Variants in BMPR1A observed in about 807,000 individuals in gnomAD.
The protein encoded by BMPR1A is bone morphogenetic protein receptor type-1A.
Under a neutral mutation model 66.0 loss-of-function variants are expected in BMPR1A, and 7 were observed. The observed-to-expected ratio is 0.11, with a 90% CI of 0.06 to 0.20. The LOEUF is 0.20. BMPR1A is among the 10% of genes least tolerant of loss of function. BMPR1A has a pLI of 1.00. For missense variants in BMPR1A, 408 were observed against 669.1 expected (o/e 0.61, Z 4.31); for synonymous variants, 200 against 229.7 (o/e 0.87, Z 1.17).
chr10:86,868,337 A>G (rs1483858833), intron 2 of BMPR1A, among the ~76,000 whole-genome samples: 1 of 152,236 alleles, frequency 6.6e-6, no homozygotes, highest in Non-Finnish European at 1.5e-5. Flanking sequence ...ACTGATGTAA[A>G]TAACTGCGAG....
chr10:86,882,738 G>A (rs981159898), intron 3 of BMPR1A, among the ~76,000 whole-genome samples: 1 of 151,528 alleles, frequency 6.6e-6, no homozygotes, highest in Admixed American at 6.6e-5. Flanking sequence ...GCTGAGACGG[G>A]CGGATCACCT....
intron 1 of BMPR1A, among the ~76,000 whole-genome samples, chr10:86,822,750 C>T (rs1020219977): frequency 3.9e-5 from 6 of 152,122 alleles, no homozygotes; most frequent in Admixed American, 1.3e-4. Context: ...GATTCTTTGC[C>T]TCAGCCTCCC....
At chr10:86,834,129 GTCT>G (rs1263443915) in intron 1 of BMPR1A, among the ~76,000 whole-genome samples, 1 of 152,120 alleles carries the variant, frequency 6.6e-6, no homozygotes, top group African/African-American at 2.4e-5. Flanking sequence ...TTACTTTCTT[GTCT>G]TCTTGGCCAG....
At chr10:86,806,872 C>T (rs1462547864) in intron 1 of BMPR1A, among the ~76,000 whole-genome samples, 1 of 152,048 alleles carries the variant, frequency 6.6e-6, no homozygotes, top group Non-Finnish European at 1.5e-5. Context: ...TTCTGAGGTT[C>T]ATGTTGTCCC....
intron 2 of BMPR1A, among the ~76,000 whole-genome samples, chr10:86,861,926 G>A (rs905409798): frequency 6.6e-6 from 1 of 152,124 alleles, no homozygotes; most frequent in Non-Finnish European, 1.5e-5. Context: ...GGGAAAGTCT[G>A]GTTTGTATAT....
intron 1 of BMPR1A, among the ~76,000 whole-genome samples, chr10:86,815,016 C>A (rs993737323): frequency 6.6e-6 from 1 of 152,136 alleles, no homozygotes; most frequent in African/African-American, 2.4e-5. Flanking sequence ...GAACTCCTGA[C>A]CTCGTGGTCT....
intron 2 of BMPR1A, among the ~76,000 whole-genome samples, chr10:86,854,327 A>G (rs1338589985): frequency 6.6e-6 from 1 of 152,142 alleles, no homozygotes; most frequent in Non-Finnish European, 1.5e-5. Context: ...CAGTTAACGC[A>G]ATTATTACAG....
At chr10:86,884,622 C>G (rs1488547114) in intron 3 of BMPR1A, among the ~76,000 whole-genome samples, 1 of 151,314 alleles carries the variant, frequency 6.6e-6, no homozygotes, top group Non-Finnish European at 1.5e-5. Flanking sequence ...ACCATGTTGG[C>G]CAGACTGGTC....
At chr10:86,870,585 G>A (rs1018475102) in intron 2 of BMPR1A, among the ~76,000 whole-genome samples, 1 of 151,986 alleles carries the variant, frequency 6.6e-6, no homozygotes, top group Non-Finnish European at 1.5e-5. Context: ...ACCATGCCCA[G>A]CTAATTTTTT....
In BMPR1A at chr10:86,868,103, G is replaced by T. The variant is rs866397516; in HGVS notation, c.-152-7764G>T. On this transcript the variant is annotated intron_variant, in intron 2 of 12. Coordinates refer to ENST00000372037, the MANE Select transcript of BMPR1A (RefSeq NM_004329.3). The stretch of plus-strand genomic sequence containing the variant: ...CCCTGTTTTAGGTCTTCACTTAGTT[G>T]CATGGTTGGCTCTCTTTGCTCCTGG... Among the ~76,000 whole-genome samples the T allele has an allele frequency of 2.4e-4, 36 of 152,166 alleles. 1 individual carries two copies. The highest frequency in any genetic ancestry group is 1.8e-3 in the Admixed American group (27 of 15,282).
chr10:86,855,125 G>T (rs920859451), intron 2 of BMPR1A: 2 of 319,974 alleles, frequency 6.3e-6, no homozygotes, highest in Non-Finnish European at 1.2e-5. Flanking sequence ...TAGAGACAGG[G>T]TTTCACATCA....
intron 1 of BMPR1A, among the ~76,000 whole-genome samples, chr10:86,790,175 AAAAAAAAAAAAAAATATATATATAT>A (rs1289239338): frequency 2.4e-4 from 10 of 41,126 alleles, no homozygotes; most frequent in African/African-American, 4.5e-4. Flanking sequence ...AAAAAAAAAA[AAAAAAAAAAAAAAATATATATATAT>A]ATATATATAT....
intron 1 of BMPR1A, among the ~76,000 whole-genome samples, chr10:86,790,171 AAAAAAAAAAAAAAAAAAATATATATAT>A (rs1841581182): frequency 2.9e-5 from 1 of 34,130 alleles, no homozygotes; most frequent in Non-Finnish European, 4.8e-5. Context: ...CCAAAAAAAA[AAAAAAAAAAAAAAAAAAATATATATAT>A]ATATATATAT....
At chr10:86,892,862 C>CA (rs575847316) in intron 5 of BMPR1A, among the ~76,000 whole-genome samples, 12,791 of 93,856 alleles carry the variant, frequency 0.14, 930 homozygotes, top group Middle Eastern at 0.26. Context: ...GACCCTGTCT[C>CA]AAAAAAAAAA....
At chr10:86,893,757 C>T (rs1843188466) in intron 5 of BMPR1A, among the ~76,000 whole-genome samples, 1 of 150,986 alleles carries the variant, frequency 6.6e-6, no homozygotes, top group South Asian at 2.1e-4. Flanking sequence ...CACTGCACTC[C>T]AGCCTGGGCA....
intron 2 of BMPR1A, among the ~76,000 whole-genome samples, chr10:86,872,639 ATATT>A (rs2133301060): frequency 6.6e-6 from 1 of 152,176 alleles, no homozygotes; most frequent in African/African-American, 2.4e-5. Flanking sequence ...AAGTTTAAAA[ATATT>A]TAAATTTATT....
At chr10:86,913,284 G>A (rs1370364899) in intron 8 of BMPR1A, among the ~76,000 whole-genome samples, 2 of 136,044 alleles carry the variant, frequency 1.5e-5, no homozygotes, top group Admixed American at 7.6e-5. Flanking sequence ...CACCACACCA[G>A]GCTAATTTTT....
intron 1 of BMPR1A, among the ~76,000 whole-genome samples, chr10:86,761,180 C>T (rs1841050766): frequency 1.3e-5 from 2 of 152,142 alleles, no homozygotes; most frequent in African/African-American, 4.8e-5. Flanking sequence ...GGTCCCTAAG[C>T]CAGTTCGTAT....
chr10:86,875,679 C>T (rs187843187), intron 2 of BMPR1A, among the ~76,000 whole-genome samples, 188 bp from the exon 3 acceptor site: 117 of 151,440 alleles, frequency 7.7e-4, no homozygotes, highest in Non-Finnish European at 1.5e-3. Context: ...AGGTTGCAGC[C>T]TATTAACTAA....
Sources: allele counts gnomAD v4.1 joint callset (sites outside exome capture counted in the v4.1 genomes callset), GRCh38; gene constraint gnomAD v4.1.1; transcripts MANE v1.5; gene names NCBI Gene and HGNC (gene_info 2026-07-23, HGNC 2026-07-21).